Variants in DIS3 observed in about 807,000 individuals in gnomAD.
DIS3 encodes DIS3 exosome endoribonuclease and 3'-5' exoribonuclease, also known as exosome complex exonuclease RRP44.
DIS3 carries 103 observed loss-of-function variants against 113.0 expected under a neutral mutation model. The observed-to-expected ratio is 0.91, with a 90% CI of 0.78 to 1.07. DIS3 has a LOEUF of 1.07. Among genes scored for constraint, DIS3 ranks in the 50% least tolerant of loss-of-function variants. The pLI is 0.00. For missense variants in DIS3, 1,121 were observed against 1,167.1 expected (o/e 0.96, Z 0.58); for synonymous variants, 402 against 394.3 (o/e 1.02, Z -0.23).
chr13:72,776,833 G>A (rs2034028376), intron 4 of DIS3, among the ~76,000 whole-genome samples: 2 of 152,110 alleles, frequency 1.3e-5, no homozygotes, highest in African/African-American at 4.8e-5. Flanking sequence ...TGGATAAAAT[G>A]CTTAATGTTA....
chr13:72,752,585 A>C lies in DIS3; in HGVS notation c.*7210T>G, dbSNP rs1257438545. 2 of 152,244 alleles carry C rather than the reference A, an allele frequency of 1.3e-5. No homozygotes were observed. The highest frequency in any genetic ancestry group is 2.9e-5 in the Non-Finnish European group (2 of 68,036). 9.4% of individuals were successfully genotyped at this position (152,244 alleles called of 1,614,324 possible). The stretch of plus-strand genomic sequence containing the variant: ...AATATTAGAAGGAAGAGCTATTGGC[A>C]GAATCTCTGGGAGCAATCTGACATT... On this transcript the variant is annotated 3_prime_UTR_variant, in exon 21 of 21. Coordinates refer to ENST00000377767, the MANE Select transcript of DIS3 (RefSeq NM_014953.5).
intron 1 of DIS3, 142 bp from the exon 2 acceptor site, chr13:72,781,145 A>C: frequency 7.4e-7 from 1 of 1,355,626 alleles, no homozygotes; most frequent in African/African-American, 1.5e-5. Context: ...ATTTGGCTAT[A>C]GAAAACGAGA....
chr13:72,773,647 T>G, intron 8 of DIS3, 37 bp downstream of exon 8: 1 of 1,574,560 alleles, frequency 6.4e-7, no homozygotes, highest in African/African-American at 1.4e-5. Context: ...AAATTTTAAT[T>G]AAACATCCCC....
chr13:72,774,041 C>A lies in DIS3; in HGVS notation c.1006G>T (p.Glu336Ter). ...TERMLKTAVSEKMLKPTGRVV... is the reference protein window; with the variant it reads ...TERMLKTAVS Reference sequence around the variant, plus strand: ...CTACCTGTAGGCTTCAACATTTTCTCGCTTACAGCAGTCTTAAGCTGAGAT... The same window carrying A: ...CTACCTGTAGGCTTCAACATTTTCTAGCTTACAGCAGTCTTAAGCTGAGAT... The change falls in exon 7 of 21, where the codon GAG becomes TAG. Residue 336 changes from glutamate (E) to a stop codon, truncating the protein, a stop_gained. Coordinates refer to ENST00000377767, the MANE Select transcript of DIS3 (RefSeq NM_014953.5). LOFTEE classifies it high-confidence loss of function. The A allele has an allele frequency of 6.2e-7, 1 of 1,605,590 alleles. No homozygotes were observed. The highest frequency in any genetic ancestry group is 8.5e-7 in the Non-Finnish European group (1 of 1,177,602).
rs1386163743 is a variant in DIS3, at chr13:72,753,849, A to G, written c.*5946T>C. The G allele has an allele frequency of 1.3e-6, 2 of 1,577,424 alleles. No individual in the cohort carries two copies. The highest frequency in any genetic ancestry group is 1.4e-5 in the African/African-American group (1 of 73,794). On this transcript the variant is annotated 3_prime_UTR_variant, in exon 21 of 21. Transcript: ENST00000377767. ...ACGGAGAAAATATAGTGAAAGCTTA[A>G]TATTGTTTAGATTAGAAATATAAAA...
chr13:72,768,765 CT>C lies in DIS3; in HGVS notation c.1883+19del. ...AAAGAGTATAAAAATTATCTTAATA[CT>C]ATGAAAAACAAAATATACCCTTTTT... On this transcript the variant is annotated intron_variant, in intron 14 of 20. Coordinates refer to ENST00000377767, the MANE Select transcript of DIS3 (RefSeq NM_014953.5). 6.4e-7 allele frequency: 1 copy of C among 1,557,660 alleles called. No individual in the cohort carries two copies. Among genetic ancestry groups the C allele is most frequent in the Non-Finnish European group, 8.8e-7 (1 of 1,141,936 alleles).
At chr13:72,770,712 T>C (rs2033864613) in intron 13 of DIS3, among the ~76,000 whole-genome samples, 192 bp downstream of exon 13, 1 of 152,160 alleles carries the variant, frequency 6.6e-6, no homozygotes, top group Non-Finnish European at 1.5e-5. Flanking sequence ...GGTACTTACA[T>C]GTATATGTTT....
chr13:72,760,409 G>T, intron 20 of DIS3, 120 bp downstream of exon 20: 1 of 1,215,608 alleles, frequency 8.2e-7, no homozygotes, highest in Non-Finnish European at 1.2e-6. Flanking sequence ...GCAAATATTT[G>T]GTTTCTACAC....
chr13:72,779,203 C>A (rs1259673061), intron 2 of DIS3, among the ~76,000 whole-genome samples: 1 of 151,802 alleles, frequency 6.6e-6, no homozygotes, highest in Non-Finnish European at 1.5e-5. Flanking sequence ...TTACTGCAAC[C>A]TCTACCTCCG....
intron 15 of DIS3, among the ~76,000 whole-genome samples, chr13:72,765,239 T>G (rs1206824385): frequency 1.3e-5 from 2 of 152,126 alleles, no homozygotes; most frequent in Non-Finnish European, 2.9e-5. Flanking sequence ...CATAGGCAAT[T>G]TACAGACAAA....
Position 72,752,345 on chromosome 13 carries a change from A to T in DIS3, c.*7450T>A, listed in dbSNP as rs1246515642. The T allele has an allele frequency of 1.3e-5, 2 of 152,132 alleles. No individual in the cohort carries two copies. Among genetic ancestry groups the T allele is most frequent in the African/African-American group, 4.8e-5 (2 of 41,420 alleles). 9.4% of individuals were successfully genotyped at this position (152,132 alleles called of 1,614,324 possible). On this transcript the variant is annotated 3_prime_UTR_variant, in exon 21 of 21. Transcript: ENST00000377767. ...ACAAGGTATCTGTTGCCTGGTTGGT[A>T]CATATTAGGCATTGACATTAGCAGA...
At chr13:72,773,870 G>A (rs1475422343) in intron 7 of DIS3, 49 bp from the exon 8 acceptor site, 1 of 1,595,514 alleles carries the variant, frequency 6.3e-7, no homozygotes, top group East Asian at 2.2e-5. Flanking sequence ...ATCTGAGGAT[G>A]GAGGCAAAAG....
rs199534378 is a variant in DIS3, at chr13:72,781,696, G to A, written c.137C>T (p.Pro46Leu). 1.0e-3 allele frequency: 1,602 copies of A among 1,559,972 alleles called. 5 individuals are homozygous for A. Among genetic ancestry groups the A allele is most frequent in the Non-Finnish European group, 5.2e-4 (595 of 1,153,298 alleles). ...CAACGGAHEG[P>L]ALEPQPQDPA... ...GTCCTGGGGCTGCGGCTCCAGGGCC[G>A]GCCCCTCGTGCGCCCCTCCACACGC... The change falls in exon 1 of 21, where the codon CCG becomes CTG. Residue 46 changes from proline to leucine, a missense_variant. Transcript: ENST00000377767.
chr13:72,756,877 AG>A lies in DIS3; in HGVS notation c.*2917del, dbSNP rs1467079791. 8 of 152,128 alleles carry A rather than the reference AG, an allele frequency of 5.3e-5. No individual in the cohort carries two copies. The highest frequency in any genetic ancestry group is 1.7e-4 in the African/African-American group (7 of 41,422). The allele number at this position is 152,128 out of a possible 1,614,324, so 9.4% of individuals were successfully genotyped here. A position where few individuals can be genotyped will look rare whatever the true frequency, so the allele number is the denominator to read the frequency against. On this transcript the variant is annotated 3_prime_UTR_variant, in exon 21 of 21. Coordinates refer to ENST00000377767, the MANE Select transcript of DIS3 (RefSeq NM_014953.5). ...CCTCTTTCCTTTATAATAATTACCC[AG>A]TTTGGGGTATTTCTTCGTAGCAGTG...
chr13:72,776,150 C>G (rs2034013523), intron 4 of DIS3, 58 bp from the exon 5 acceptor site: 1 of 1,477,196 alleles, frequency 6.8e-7, no homozygotes, highest in African/African-American at 1.4e-5. Context: ...ACTCAATACA[C>G]AACTATTATT....
chr13:72,769,837 G>A (rs943540200), intron 13 of DIS3, among the ~76,000 whole-genome samples: 6 of 152,070 alleles, frequency 3.9e-5, no homozygotes, highest in Non-Finnish European at 5.9e-5. Context: ...GGATGCCAAA[G>A]GGCCAGAAAA....
chr13:72,775,481 G>C lies in DIS3; in HGVS notation c.823-106C>G. 18 of 1,239,438 alleles carry C rather than the reference G, an allele frequency of 1.5e-5. No individual in the cohort carries two copies. In the South Asian group the frequency reaches 3.4e-4, roughly 23 times the overall value. The allele number at this position is 1,239,438 out of a possible 1,614,324, so 76.8% of individuals were successfully genotyped here. A position where few individuals can be genotyped will look rare whatever the true frequency, so the allele number is the denominator to read the frequency against. On this transcript the variant is annotated intron_variant, in intron 5 of 20. Coordinates refer to ENST00000377767, the MANE Select transcript of DIS3 (RefSeq NM_014953.5). Reference sequence around the variant, plus strand: ...TACATACACTCTGAATATCTCTATGGAATCTCTATTTCTCCTTTATAGATT... The same window carrying C: ...TACATACACTCTGAATATCTCTATGCAATCTCTATTTCTCCTTTATAGATT...
At chr13:72,772,910 C>T in intron 8 of DIS3, 71 bp from the exon 9 acceptor site, 1 of 1,458,534 alleles carries the variant, frequency 6.9e-7, no homozygotes, top group Non-Finnish European at 9.2e-7. Flanking sequence ...TTAAATTCTT[C>T]AGCATTTACA....
At chr13:72,759,962 G>C (rs2033585442) in intron 20 of DIS3, 84 bp from the exon 21 acceptor site, 2 of 1,095,642 alleles carry the variant, frequency 1.8e-6, no homozygotes, top group Non-Finnish European at 2.7e-6. Context: ...CCCACTGCCA[G>C]CTTCAAATTT....
Sources: gnomAD v4.1 joint callset for allele counts (sites outside exome capture counted in the v4.1 genomes callset) on GRCh38, gnomAD v4.1.1 for gene constraint, MANE v1.5 for transcripts, NCBI Gene and HGNC (gene_info 2026-07-23, HGNC 2026-07-21) for gene names.